KCTD8: variants seen among roughly 807,000 people sequenced by gnomAD.
KCTD8 encodes potassium channel tetramerization domain containing 8.
In KCTD8, 27 loss-of-function variants were observed where a neutral mutation model predicts 31.5. The ratio of observed to expected loss-of-function variants is 0.86; its 90% confidence interval spans 0.63 to 1.18. The LOEUF is 1.18. Among genes scored for constraint, KCTD8 ranks in the 50% most tolerant of loss-of-function variants. KCTD8 has a pLI of 0.00. For missense variants in KCTD8, 658 were observed against 647.7 expected (o/e 1.02, Z -0.17); for synonymous variants, 290 against 280.0 (o/e 1.04, Z -0.36).
intron 1 of KCTD8, among the ~76,000 whole-genome samples, chr4:44,356,977 C>A (rs533457047): frequency 6.6e-6 from 1 of 151,790 alleles, no homozygotes; most frequent in African/African-American, 2.4e-5. Context: ...TGTAACATTC[C>A]ATGAAATTAC....
chr4:44,385,147 T>G (rs1220241749), intron 1 of KCTD8, among the ~76,000 whole-genome samples: 1 of 151,686 alleles, frequency 6.6e-6, no homozygotes, highest in Non-Finnish European at 1.5e-5. Context: ...TTATCAAAAG[T>G]GTTAGGTAGA....
chr4:44,278,212 G>T (rs1478211376), intron 1 of KCTD8, among the ~76,000 whole-genome samples: 1 of 152,060 alleles, frequency 6.6e-6, no homozygotes, highest in Non-Finnish European at 1.5e-5. Flanking sequence ...CCTTAGGAAA[G>T]AAATCCAAAT....
At chr4:44,176,646 A>G (rs1472172851) in intron 1 of KCTD8, among the ~76,000 whole-genome samples, 1 of 152,192 alleles carries the variant, frequency 6.6e-6, no homozygotes, top group Admixed American at 6.5e-5. Context: ...ATCGAATTAA[A>G]GATTTTTAAA....
At chr4:44,275,196 T>C (rs994410426) in intron 1 of KCTD8, among the ~76,000 whole-genome samples, 1 of 151,944 alleles carries the variant, frequency 6.6e-6, no homozygotes, top group African/African-American at 2.4e-5. Context: ...CACATGTGAC[T>C]AGAGATAATA....
At chr4:44,231,005 A>C (rs1311002621) in intron 1 of KCTD8, among the ~76,000 whole-genome samples, 1 of 152,178 alleles carries the variant, frequency 6.6e-6, no homozygotes, top group Non-Finnish European at 1.5e-5. Flanking sequence ...GCAAATTTAT[A>C]AATTTGGTCC....
intron 1 of KCTD8, among the ~76,000 whole-genome samples, chr4:44,246,049 C>T (rs1715657133): frequency 6.6e-6 from 1 of 151,894 alleles, no homozygotes; most frequent in African/African-American, 2.4e-5. Context: ...ATGTCTGACC[C>T]CCAAAATTAC....
chr4:44,311,040 G>C (rs1395078757), intron 1 of KCTD8, among the ~76,000 whole-genome samples: 1 of 143,782 alleles, frequency 7.0e-6, no homozygotes, highest in African/African-American at 2.5e-5. Flanking sequence ...ATTTCATCTT[G>C]ATGATTCCTC....
intron 1 of KCTD8, among the ~76,000 whole-genome samples, chr4:44,395,480 C>G (rs1266043582): frequency 6.6e-6 from 1 of 152,014 alleles, no homozygotes; most frequent in Non-Finnish European, 1.5e-5. Flanking sequence ...AATCACACAC[C>G]CACCAGCACC....
intron 1 of KCTD8, among the ~76,000 whole-genome samples, chr4:44,357,103 C>T (rs977497583): frequency 1.4e-5 from 2 of 147,674 alleles, no homozygotes; most frequent in African/African-American, 5.0e-5. Flanking sequence ...AAAAAAAAAA[C>T]CCTTCAAAAC....
At chr4:44,391,736 G>A (rs1294546169) in intron 1 of KCTD8, among the ~76,000 whole-genome samples, 1 of 151,802 alleles carries the variant, frequency 6.6e-6, no homozygotes, top group African/African-American at 2.4e-5. Context: ...TTGACTGCAT[G>A]GGGATTGGCA....
intron 1 of KCTD8, among the ~76,000 whole-genome samples, chr4:44,352,661 G>T (rs1392301644): frequency 6.6e-6 from 1 of 151,008 alleles, no homozygotes; most frequent in Non-Finnish European, 1.5e-5. Context: ...TATGAGAAAA[G>T]AAAGTATTAT....
At chr4:44,430,983 T>C (rs371865457) in intron 1 of KCTD8, among the ~76,000 whole-genome samples, 1 of 151,648 alleles carries the variant, frequency 6.6e-6, no homozygotes, top group African/African-American at 2.4e-5. Context: ...GGAGAACCTA[T>C]GAACTTATTA....
At chr4:44,251,493 T>C (rs1456942293) in intron 1 of KCTD8, among the ~76,000 whole-genome samples, 4 of 151,652 alleles carry the variant, frequency 2.6e-5, no homozygotes, top group Non-Finnish European at 5.9e-5. Context: ...CATGTCTTTC[T>C]TTGAAATTTT....
intron 1 of KCTD8, among the ~76,000 whole-genome samples, chr4:44,331,170 A>G (rs1027296472): frequency 6.7e-4 from 102 of 151,884 alleles, no homozygotes; most frequent in Non-Finnish European, 1.2e-3. Context: ...TACATTTTTG[A>G]AGCTGTCTTT....
intron 1 of KCTD8, among the ~76,000 whole-genome samples, chr4:44,292,447 A>G (rs1057384062): frequency 6.6e-6 from 1 of 152,048 alleles, no homozygotes; most frequent in Non-Finnish European, 1.5e-5. Flanking sequence ...ATAAAGATGG[A>G]AACAATAGAC....
At chr4:44,426,662 T>C (rs1721356011) in intron 1 of KCTD8, among the ~76,000 whole-genome samples, 1 of 151,760 alleles carries the variant, frequency 6.6e-6, no homozygotes, top group African/African-American at 2.4e-5. Context: ...AAAAGGAAAT[T>C]AAAAACGAAT....
chr4:44,441,568 C>T (rs549409336), intron 1 of KCTD8, among the ~76,000 whole-genome samples: 1 of 152,128 alleles, frequency 6.6e-6, no homozygotes, highest in Non-Finnish European at 1.5e-5. Context: ...GCCAAATTGA[C>T]TGCCAGAAAC....
chr4:44,193,433 C>CA, intron 1 of KCTD8, among the ~76,000 whole-genome samples: 1 of 152,130 alleles, frequency 6.6e-6, no homozygotes, highest in Admixed American at 6.6e-5. Flanking sequence ...TATGCTGCCA[C>CA]AAAAATCCTG....
chr4:44,324,454 G>T (rs996109124), intron 1 of KCTD8, among the ~76,000 whole-genome samples: 1 of 152,006 alleles, frequency 6.6e-6, no homozygotes, highest in Non-Finnish European at 1.5e-5. Context: ...AAATTTGCAT[G>T]TCTCTGATCT....
Sources: gnomAD v4.1 joint callset for allele counts (sites outside exome capture counted in the v4.1 genomes callset) on GRCh38, gnomAD v4.1.1 for gene constraint, MANE v1.5 for transcripts, NCBI Gene and HGNC (gene_info 2026-07-23, HGNC 2026-07-21) for gene names.